RND1: variants seen among roughly 807,000 people sequenced by gnomAD.
RND1 encodes the protein rho-related GTP-binding protein Rho6.
A neutral mutation model predicts 27.1 loss-of-function variants in RND1; 9 were observed. The ratio of observed to expected loss-of-function variants is 0.33; its 90% CI spans 0.20 to 0.58. The LOEUF is 0.58. Among genes scored for constraint, RND1 ranks in the 20% least tolerant of loss-of-function variants. RND1 has a pLI of 0.86. For missense variants in RND1, 253 were observed against 292.2 expected, an observed-to-expected ratio of 0.87 and a Z score of 0.98; for synonymous variants, 108 against 115.7, an observed-to-expected ratio of 0.93 and a Z score of 0.43.
At chr12:48,858,752 G>A (rs1264235260) in intron 4 of RND1, 1 of 152,506 alleles carries the variant, frequency 6.6e-6, no homozygotes, top group Non-Finnish European at 1.5e-5. Flanking sequence ...CACTGGAAGT[G>A]GGCACACAAC....
chr12:48,861,181 G>A, intron 3 of RND1, 50 bp from the exon 4 acceptor site: 1 of 1,531,774 alleles, frequency 6.5e-7, no homozygotes, highest in South Asian at 1.2e-5. Flanking sequence ...AGGAAGGAGA[G>A]TTAGTGGCAG....
Position 48,857,890 on chromosome 12 carries a change from G to A in RND1, c.*106C>T. 9.2e-6 allele frequency: 13 copies of A among 1,406,886 alleles called. No homozygotes were observed. Among genetic ancestry groups the A allele is most frequent in the Non-Finnish European group, 1.2e-5 (13 of 1,045,696 alleles). 87.2% of individuals were successfully genotyped at this position (1,406,886 alleles called of 1,614,324 possible). A position where few individuals can be genotyped will look rare whatever the true frequency, so the allele number is the denominator to read the frequency against. On this transcript the variant is annotated 3_prime_UTR_variant, in exon 5 of 5. Transcript: ENST00000309739. The stretch of plus-strand genomic sequence containing the variant: ...TTCCAAGCCCTCACCGTGGCCATCT[G>A]AAAAACTCATGTCCAGTGTCCTAAA...
chr12:48,860,887 CA>C, intron 4 of RND1, 109 bp downstream of exon 4: 1 of 1,490,786 alleles, frequency 6.7e-7, no homozygotes, highest in Non-Finnish European at 9.2e-7. Flanking sequence ...ATTATAACAG[CA>C]ATTCTCTCTT....
At position 48,857,268 on chromosome 12, in the gene RND1, T is replaced by C. The variant is rs1290273225; in HGVS notation, c.*728A>G. 1 of 68,338 alleles carries C rather than the reference T, an allele frequency of 1.5e-5. No homozygotes were observed. Among genetic ancestry groups the C allele is most frequent in the Admixed American group, 2.4e-4 (1 of 4,232 alleles). 4.2% of individuals were successfully genotyped at this position (68,338 alleles called of 1,614,324 possible). A position where few individuals can be genotyped will look rare whatever the true frequency, so the allele number is the denominator to read the frequency against. On this transcript the variant is annotated 3_prime_UTR_variant, in exon 5 of 5. Coordinates refer to ENST00000309739, the MANE Select transcript of RND1 (RefSeq NM_014470.4). The stretch of plus-strand genomic sequence containing the variant: ...CAAAGACAAGAGTCTATAAAACAAA[T>C]GCCAGCTGTACTACCCTAAGGGCAG...
In RND1 at chr12:48,857,740, C is replaced by CGGG; in HGVS notation, c.*253_*255dup. The CGGG allele has an allele frequency of 5.9e-6, 2 of 341,286 alleles. No homozygotes were observed. The highest frequency in any genetic ancestry group is 5.7e-5 in the South Asian group (1 of 17,602). The allele number at this position is 341,286 out of a possible 1,614,324, so 21.1% of individuals were successfully genotyped here. On this transcript the variant is annotated 3_prime_UTR_variant, in exon 5 of 5. Transcript: ENST00000309739. Reference sequence around the variant, plus strand: ...CCCCACAGCTTTCCTTCCTCTGGAGCGGGGGGGGCACTGGGGTAGTCGCCC... The same window carrying CGGG: ...CCCCACAGCTTTCCTTCCTCTGGAGCGGGGGGGGGGGCACTGGGGTAGTCGCCC...
rs1269293757 is a variant in RND1, at chr12:48,858,108, T to C, written c.587A>G (p.Gln196Arg). The C allele has an allele frequency of 9.9e-6, 16 of 1,614,116 alleles. No individual in the cohort carries two copies. Among genetic ancestry groups the C allele is most frequent in the Admixed American group, 1.7e-5 (1 of 60,004 alleles). The change falls in exon 5 of 5, where the codon CAG becomes CGG. Residue 196 changes from glutamine (Q) to arginine (R), a missense_variant. Coordinates refer to ENST00000309739, the MANE Select transcript of RND1 (RefSeq NM_014470.4). ...LCLNKPSPLP[Q>R]KSPVRSLSKR... is the part of the protein sequence containing the mutation. ...GGAGAGGCTTCGGACAGGGCTCTTC[T>C]GGGGCAGTGGGCTAGGCTTGTTCAG...
intron 3 of RND1, among the ~76,000 whole-genome samples, chr12:48,861,411 C>G (rs1290378743): frequency 6.6e-6 from 1 of 152,220 alleles, no homozygotes; most frequent in African/African-American, 2.4e-5. Flanking sequence ...TCCTCCCACT[C>G]TCTGCCAACC....
Position 48,865,853 on chromosome 12 carries a change from C to A in RND1, c.-86G>T. ...CTCAGCACGCCAATCAAGCCAGATT[C>A]CCTGCCTCCCTCCAACTGAGGAGGA... On this transcript the variant is annotated 5_prime_UTR_variant, in exon 1 of 5. Transcript: ENST00000309739. The A allele has an allele frequency of 6.7e-7, 1 of 1,503,462 alleles. No homozygotes were observed. The allele number at this position is 1,503,462 out of a possible 1,614,324, so 93.1% of individuals were successfully genotyped here.
Position 48,862,369 on chromosome 12 carries a change from T to C in RND1, c.209-251A>G, listed in dbSNP as rs571834942. Among the ~76,000 whole-genome samples the C allele has an allele frequency of 2.6e-5, 4 of 152,260 alleles. No individual in the cohort carries two copies. The East Asian group carries it at 7.7e-4, about 29-fold the overall frequency. On this transcript the variant is annotated intron_variant, in intron 2 of 4. Coordinates refer to ENST00000309739, the MANE Select transcript of RND1 (RefSeq NM_014470.4). ...TGGGTGGAGTATAATTTGGCCCTGTTTGGGTCTCCTACAGCAGGCTTAATT... is the reference window on the plus strand; with the variant it reads ...TGGGTGGAGTATAATTTGGCCCTGTCTGGGTCTCCTACAGCAGGCTTAATT...
chr12:48,862,990 TA>T (rs1938936692), intron 2 of RND1, among the ~76,000 whole-genome samples: 1 of 151,676 alleles, frequency 6.6e-6, no homozygotes, highest in South Asian at 2.1e-4. Context: ...TGTTGGTCAT[TA>T]AAAAAAGGAA....
chr12:48,863,664 T>C (rs559309488), intron 2 of RND1, among the ~76,000 whole-genome samples: 3 of 152,200 alleles, frequency 2.0e-5, no homozygotes, highest in African/African-American at 7.2e-5. Context: ...GAATTTTTGT[T>C]TGGGGAGGAA....
intron 2 of RND1, among the ~76,000 whole-genome samples, chr12:48,863,322 T>C (rs1275413472): frequency 6.6e-6 from 1 of 151,514 alleles, no homozygotes. Context: ...TTTCGGAAAT[T>C]GGGGGTGGGG....
At chr12:48,864,735 A>G in intron 2 of RND1, 48 bp downstream of exon 2, 1 of 1,328,890 alleles carries the variant, frequency 7.5e-7, no homozygotes, top group South Asian at 1.2e-5. Flanking sequence ...GCAGCTACAC[A>G]GCAGACCAGT....
chr12:48,859,752 G>A (rs1291962093), intron 4 of RND1, among the ~76,000 whole-genome samples: 1 of 152,094 alleles, frequency 6.6e-6, no homozygotes, highest in Non-Finnish European at 1.5e-5. Flanking sequence ...AGCTAGGCGT[G>A]GGGCCCATAC....
chr12:48,863,588 C>T lies in RND1; in HGVS notation c.208+1195G>A, dbSNP rs368466508. Among the ~76,000 whole-genome samples, 13 of 152,222 alleles carry T rather than the reference C, an allele frequency of 8.5e-5. No individual in the cohort carries two copies. The South Asian group carries it at 2.7e-3, about 32-fold the overall frequency. On this transcript the variant is annotated intron_variant, in intron 2 of 4. Coordinates refer to ENST00000309739, the MANE Select transcript of RND1 (RefSeq NM_014470.4). ...CCAATCTTGCCAGCATAGCACAGCC[C>T]AGGAGAACCAGAACGCTGCCTCCCA... is the stretch of plus-strand genomic sequence containing the variant.
chr12:48,857,695 A>T lies in RND1; in HGVS notation c.*301T>A. 1 of 252,114 alleles carries T rather than the reference A, an allele frequency of 4.0e-6. No homozygotes were observed. The allele number at this position is 252,114 out of a possible 1,614,324, so 15.6% of individuals were successfully genotyped here. On this transcript the variant is annotated 3_prime_UTR_variant, in exon 5 of 5. Transcript: ENST00000309739. ...GCTGCTGTAGGCCCCCAAGCCCATG[A>T]GGCCAGCATGCCCCCCGTCCCCCAC...
intron 4 of RND1, 110 bp from the exon 5 acceptor site, chr12:48,858,351 C>G: frequency 8.4e-7 from 1 of 1,188,574 alleles, no homozygotes; most frequent in Non-Finnish European, 1.2e-6. Context: ...CTGCCAGTCT[C>G]CAAACACCAC....
chr12:48,865,464 G>T (rs1365005137), intron 1 of RND1, 184 bp downstream of exon 1: 1 of 673,332 alleles, frequency 1.5e-6, no homozygotes, highest in South Asian at 1.7e-5. Flanking sequence ...AGTGGAACAG[G>T]TCTCAGGGGA....
rs201107652 is a variant in RND1, at chr12:48,858,277, C to G, written c.454-36G>C. On this transcript the variant is annotated intron_variant, in intron 4 of 4. Coordinates refer to ENST00000309739, the MANE Select transcript of RND1 (RefSeq NM_014470.4). The stretch of plus-strand genomic sequence containing the variant: ...GGGTGAGGGCATTAATGCAGTGGGC[C>G]AAAATGGCTCTGGGACGCTGCCTCT... 1.2e-4 allele frequency: 190 copies of G among 1,600,840 alleles called. No individual in the cohort carries two copies. The East Asian group carries it at 4.2e-3, about 35-fold the overall frequency.
Sources: allele counts gnomAD v4.1 joint callset (sites outside exome capture counted in the v4.1 genomes callset), GRCh38; gene constraint gnomAD v4.1.1; transcripts MANE v1.5; gene names NCBI Gene and HGNC (gene_info 2026-07-23, HGNC 2026-07-21).